TSPAN1: variants seen among roughly 807,000 people sequenced by gnomAD.
TSPAN1 encodes tetraspanin 1, also known as tetraspanin-1.
Under a neutral mutation model 26.9 loss-of-function variants are expected in TSPAN1, and 23 were observed. The ratio of observed to expected loss-of-function variants is 0.85; its 90% CI spans 0.62 to 1.21. TSPAN1 has a LOEUF of 1.21. Ranked by LOEUF, TSPAN1 falls within the 50% of genes most tolerant of loss-of-function variation. The pLI is 0.00. For synonymous variants in TSPAN1, 115 were observed against 114.8 expected, an observed-to-expected ratio of 1.00 and a Z score of -0.01; for missense variants, 283 against 298.4, an observed-to-expected ratio of 0.95 and a Z score of 0.38.
chr1:46,176,383 C>T lies in TSPAN1; in HGVS notation c.-142+974C>T, dbSNP rs1034387846. 3.4e-5 allele frequency: 52 copies of T among 1,535,752 alleles called. No individual in the cohort carries two copies. The African/African-American group carries it at 4.8e-4, about 14-fold the overall frequency. On this transcript the variant is annotated intron_variant, in intron 1 of 8. Coordinates refer to ENST00000372003, the MANE Select transcript of TSPAN1 (RefSeq NM_005727.4). The stretch of plus-strand genomic sequence containing the variant: ...GCTACACTTGAACATCCTGGGAAAT[C>T]GGGGCCTGGGCCAGCCCATACCTGG...
At chr1:46,176,651 A>G (rs1285231401) in intron 1 of TSPAN1, among the ~76,000 whole-genome samples, 1 of 152,284 alleles carries the variant, frequency 6.6e-6, no homozygotes, top group Non-Finnish European at 1.5e-5. Context: ...CCTAAAAGCC[A>G]GCCCAAGAGC....
At chr1:46,190,610 G>A (rs1297960483), downstream of TSPAN1, 18 of 1,532,378 alleles carry the variant, frequency 1.2e-5, no homozygotes, top group Non-Finnish European at 1.6e-5. Context: ...ATGGGAATCT[G>A]TAGCCGCAGG....
chr1:46,181,330 G>C (rs1422235155), intron 3 of TSPAN1, among the ~76,000 whole-genome samples, 166 bp downstream of exon 3: 1 of 152,174 alleles, frequency 6.6e-6, no homozygotes, highest in East Asian at 1.9e-4. Flanking sequence ...CTGATTCCTA[G>C]TCCCAGCAGC....
chr1:46,177,465 GCA>G (rs1306900867), intron 1 of TSPAN1, among the ~76,000 whole-genome samples: 1 of 152,040 alleles, frequency 6.6e-6, no homozygotes, highest in Non-Finnish European at 1.5e-5. Flanking sequence ...CTTATCTAAA[GCA>G]CATATTTCCC....
chr1:46,179,991 G>T (rs1430889299), intron 1 of TSPAN1, among the ~76,000 whole-genome samples: 1 of 149,024 alleles, frequency 6.7e-6, no homozygotes, highest in African/African-American at 2.5e-5. Context: ...GTGTGTGTTT[G>T]TGTGTGTGTG....
At chr1:46,180,129 G>A (rs1657281902) in intron 1 of TSPAN1, among the ~76,000 whole-genome samples, 1 of 152,220 alleles carries the variant, frequency 6.6e-6, no homozygotes, top group Non-Finnish European at 1.5e-5. Context: ...CATGCATTCA[G>A]GAACACTAGC....
the TSPAN1 span, chr1:46,193,262 CA>C: frequency 6.2e-7 from 1 of 1,614,004 alleles, no homozygotes; most frequent in Admixed American, 1.7e-5. Flanking sequence ...GGGTAGAAGG[CA>C]GAGCCAGGTG....
intron 1 of TSPAN1, among the ~76,000 whole-genome samples, chr1:46,179,285 C>T (rs1657255800): frequency 6.6e-6 from 1 of 151,006 alleles, no homozygotes; most frequent in Non-Finnish European, 1.5e-5. Flanking sequence ...TACACTCCAA[C>T]CTGGGCAACA....
chr1:46,189,576 G>A (rs961913683), downstream of TSPAN1: 2 of 1,607,196 alleles, frequency 1.2e-6, no homozygotes, highest in African/African-American at 2.7e-5. Flanking sequence ...CACTAGTGAG[G>A]GTGGGATGGA....
intron 3 of TSPAN1, chr1:46,183,942 CT>C (rs1657367483): frequency 1.8e-6 from 1 of 560,322 alleles, no homozygotes; most frequent in Non-Finnish European, 3.2e-6. Context: ...TCTGCCCACC[CT>C]GAGGATATTT....
At chr1:46,191,962 C>G in the TSPAN1 span, 1 of 1,381,258 alleles carries the variant, frequency 7.2e-7, no homozygotes, top group Non-Finnish European at 1.0e-6. Context: ...GATAAAGAAA[C>G]TGAGGCAAAA....
At chr1:46,192,523 C>G in the TSPAN1 span, 3 of 1,614,134 alleles carry the variant, frequency 1.9e-6, no homozygotes, top group Non-Finnish European at 2.5e-6. Flanking sequence ...CCTACCTGGT[C>G]ATTCCAGGCA....
intron 3 of TSPAN1, among the ~76,000 whole-genome samples, chr1:46,182,729 G>A (rs1657341925): frequency 2.0e-5 from 3 of 152,162 alleles, no homozygotes; most frequent in Admixed American, 1.3e-4. Flanking sequence ...AGAAGCGTGG[G>A]TAGACTCTCT....
At chr1:46,176,706 C>T (rs962503208) in intron 1 of TSPAN1, among the ~76,000 whole-genome samples, 3 of 152,244 alleles carry the variant, frequency 2.0e-5, no homozygotes, top group Non-Finnish European at 2.9e-5. Context: ...GCCCTAGAGG[C>T]GGAACTCACT....
intron 3 of TSPAN1, among the ~76,000 whole-genome samples, chr1:46,182,328 A>G (rs1184291839): frequency 6.6e-6 from 1 of 150,876 alleles, no homozygotes; most frequent in East Asian, 1.9e-4. Flanking sequence ...GCCACTGTGA[A>G]GGAGATGGAG....
the TSPAN1 span, chr1:46,195,981 C>T: frequency 6.2e-7 from 1 of 1,614,108 alleles, no homozygotes; most frequent in Non-Finnish European, 8.5e-7. Flanking sequence ...CCAGCTCCAG[C>T]CCTCTGGGTC....
chr1:46,193,725 A>G, the TSPAN1 span: 89 of 1,603,544 alleles, frequency 5.6e-5, 1 homozygote, highest in African/African-American at 2.9e-4. Context: ...CAGAGTCCCT[A>G]TGCTTACCCA....
the TSPAN1 span, chr1:46,193,144 A>G: frequency 1.2e-6 from 2 of 1,613,902 alleles, no homozygotes; most frequent in East Asian, 4.5e-5. Context: ...CCCCCCTCCC[A>G]GGCCCAAGAG....
downstream of TSPAN1, among the ~76,000 whole-genome samples, chr1:46,188,225 C>T (rs1221617391): frequency 6.6e-6 from 1 of 152,232 alleles, no homozygotes; most frequent in Non-Finnish European, 1.5e-5. Context: ...CTTGCTCCTA[C>T]ATCTCCATCT....
Sources: allele counts gnomAD v4.1 joint callset (sites outside exome capture counted in the v4.1 genomes callset), GRCh38; gene constraint gnomAD v4.1.1; transcripts MANE v1.5; gene names NCBI Gene and HGNC (gene_info 2026-07-23, HGNC 2026-07-21).